The following PRKAR2A variants were observed in gnomAD, a reference collection of about 807,000 sequenced individuals.
PRKAR2A encodes cAMP-dependent protein kinase type II-alpha regulatory subunit.
In PRKAR2A, 29 loss-of-function variants were observed where a neutral mutation model predicts 51.9. The ratio of observed to expected loss-of-function variants is 0.56; its 90% CI spans 0.42 to 0.76. The LOEUF (loss-of-function observed/expected upper bound fraction) is 0.76. Ranked by LOEUF, PRKAR2A falls within the 30% of genes least tolerant of loss-of-function variation. PRKAR2A has a pLI of 0.00. For missense variants in PRKAR2A, 445 were observed against 512.1 expected (o/e 0.87, Z 1.26); for synonymous variants, 178 against 186.2 (o/e 0.96, Z 0.36).
chr3:48,828,606 C>T (rs2083110067), intron 1 of PRKAR2A, among the ~76,000 whole-genome samples: 1 of 148,670 alleles, frequency 6.7e-6, no homozygotes, highest in Admixed American at 6.9e-5. Context: ...CCTCTGGTCC[C>T]AGCTACTCCA....
chr3:48,834,365 G>GA (rs1371096091), intron 1 of PRKAR2A, among the ~76,000 whole-genome samples: 2 of 151,140 alleles, frequency 1.3e-5, no homozygotes, highest in Admixed American at 6.6e-5. Flanking sequence ...CAGCAACACG[G>GA]AAAAAAAACA....
At chr3:48,831,462 G>A (rs1018152812) in intron 1 of PRKAR2A, among the ~76,000 whole-genome samples, 3 of 151,010 alleles carry the variant, frequency 2.0e-5, no homozygotes, top group Non-Finnish European at 2.9e-5. Flanking sequence ...GACCTGCTGG[G>A]CTCAAGTTAT....
chr3:48,784,820 G>A (rs116684805), intron 4 of PRKAR2A, among the ~76,000 whole-genome samples: 2,934 of 151,868 alleles, frequency 0.019, 46 homozygotes, highest in Non-Finnish European at 0.026. Flanking sequence ...ACTGATGAGG[G>A]GAAAAAAAGG....
intron 1 of PRKAR2A, among the ~76,000 whole-genome samples, chr3:48,816,035 A>G (rs1008153784): frequency 2.0e-5 from 3 of 151,442 alleles, no homozygotes; most frequent in Non-Finnish European, 2.9e-5. Context: ...AAAAAAAAAA[A>G]AAAAGAAGCT....
intron 1 of PRKAR2A, among the ~76,000 whole-genome samples, chr3:48,845,094 G>A (rs2083442478): frequency 6.6e-6 from 1 of 152,116 alleles, no homozygotes; most frequent in Non-Finnish European, 1.5e-5. Flanking sequence ...GTGATTTACA[G>A]AGATGACAGT....
intron 8 of PRKAR2A, among the ~76,000 whole-genome samples, chr3:48,762,919 A>G (rs2081885011): frequency 6.6e-6 from 1 of 152,186 alleles, no homozygotes; most frequent in African/African-American, 2.4e-5. Flanking sequence ...CATTTATACT[A>G]AATTGTAGAA....
intron 6 of PRKAR2A, among the ~76,000 whole-genome samples, chr3:48,767,973 T>TTTTA (rs1306598085): frequency 4.1e-5 from 6 of 148,030 alleles, no homozygotes; most frequent in Admixed American, 1.4e-4. Context: ...AACCCCAATA[T>TTTTA]TTTATTTATT....
intron 6 of PRKAR2A, among the ~76,000 whole-genome samples, chr3:48,769,781 C>CA (rs1559609454): frequency 6.8e-6 from 1 of 146,002 alleles, no homozygotes. Flanking sequence ...CGGCAAGCGA[C>CA]TTTTTTTTTT....
At chr3:48,756,508 T>A in intron 8 of PRKAR2A, 64 bp from the exon 9 acceptor site, 1 of 1,242,674 alleles carries the variant, frequency 8.0e-7, no homozygotes, top group Non-Finnish European at 1.2e-6. Context: ...AAGAAATAGA[T>A]TGCTTTTTCA....
chr3:48,841,844 T>C (rs570524814), intron 1 of PRKAR2A, among the ~76,000 whole-genome samples: 2 of 152,316 alleles, frequency 1.3e-5, no homozygotes, highest in South Asian at 2.1e-4. Flanking sequence ...ATTTCTATAA[T>C]TATGTAGCGC....
At chr3:48,818,140 T>C (rs2082902681) in intron 1 of PRKAR2A, among the ~76,000 whole-genome samples, 1 of 152,190 alleles carries the variant, frequency 6.6e-6, no homozygotes, top group African/African-American at 2.4e-5. Flanking sequence ...TGATGCAAAG[T>C]TGTAAAGAGG....
At chr3:48,810,235 TGTGTAC>T (rs1429281570) in intron 1 of PRKAR2A, among the ~76,000 whole-genome samples, 4 of 151,118 alleles carry the variant, frequency 2.6e-5, no homozygotes, top group Non-Finnish European at 2.9e-5. Flanking sequence ...TGTGTGTGTG[TGTGTAC>T]ACACACACAC....
At chr3:48,844,797 T>C (rs949328362) in intron 1 of PRKAR2A, among the ~76,000 whole-genome samples, 16 of 135,796 alleles carry the variant, frequency 1.2e-4, no homozygotes, top group East Asian at 1.2e-3. Context: ...TGAGAACACA[T>C]GGACACAGGA....
At chr3:48,822,287 T>G (rs1427061267) in intron 1 of PRKAR2A, among the ~76,000 whole-genome samples, 1 of 151,918 alleles carries the variant, frequency 6.6e-6, no homozygotes, top group Non-Finnish European at 1.5e-5. Context: ...TCACACAGCT[T>G]GCATGGGGTA....
At chr3:48,759,634 G>A (rs1015365221) in intron 8 of PRKAR2A, among the ~76,000 whole-genome samples, 9 of 152,126 alleles carry the variant, frequency 5.9e-5, no homozygotes, top group African/African-American at 2.2e-4. Flanking sequence ...TGATCCGCCT[G>A]CCTCGGCCTC....
chr3:48,780,786 A>C (rs1477945463), intron 5 of PRKAR2A, among the ~76,000 whole-genome samples: 1 of 152,094 alleles, frequency 6.6e-6, no homozygotes, highest in Non-Finnish European at 1.5e-5. Context: ...AAAGAATCTT[A>C]AAAATGAGGA....
At chr3:48,777,024 T>G (rs2082116001) in intron 5 of PRKAR2A, among the ~76,000 whole-genome samples, 1 of 152,168 alleles carries the variant, frequency 6.6e-6, no homozygotes, top group Non-Finnish European at 1.5e-5. Flanking sequence ...GCCCCATATC[T>G]GGGCAAGCTG....
intron 2 of PRKAR2A, among the ~76,000 whole-genome samples, chr3:48,802,534 T>A (rs1575902364): frequency 6.6e-6 from 1 of 151,546 alleles, no homozygotes; most frequent in Non-Finnish European, 1.5e-5. Flanking sequence ...CAAAACCTTG[T>A]CTCTACTAAA....
At position 48,794,381 on chromosome 3, in the gene PRKAR2A, C is replaced by T. The variant is rs1432966549; in HGVS notation, c.299-332G>A. ...GGTCAGGCTGCTCTCAAACTCCTGA[C>T]ATCAGGTGATCCACCTGATGTATAT... On this transcript the variant is annotated intron_variant, in intron 2 of 10. Coordinates refer to ENST00000265563, the MANE Select transcript of PRKAR2A (RefSeq NM_004157.4). 2.0e-5 allele frequency among the ~76,000 whole-genome samples: 3 copies of T among 151,886 alleles called. No individual in the cohort carries two copies. The East Asian group carries it at 5.8e-4, about 30-fold the overall frequency.
Sources: gnomAD v4.1 joint callset for allele counts (sites outside exome capture counted in the v4.1 genomes callset) on GRCh38, gnomAD v4.1.1 for gene constraint, MANE v1.5 for transcripts, NCBI Gene and HGNC (gene_info 2026-07-23, HGNC 2026-07-21) for gene names.